HIP1: variants seen among roughly 807,000 people sequenced by gnomAD.
The protein encoded by HIP1 is huntingtin-interacting protein 1.
Under a neutral mutation model 147.6 loss-of-function variants are expected in HIP1, and 65 were observed. The ratio of observed to expected loss-of-function variants is 0.44; its 90% CI spans 0.36 to 0.54. The LOEUF (loss-of-function observed/expected upper bound fraction) is 0.54, where lower values mean the gene tolerates loss of function less well. Ranked by LOEUF, HIP1 falls within the 20% of genes least tolerant of loss-of-function variation. HIP1 has a pLI of 0.00. For synonymous variants in HIP1, 479 were observed against 504.0 expected (o/e 0.95, Z 0.67); for missense variants, 1,061 against 1,299.6 (o/e 0.82, Z 2.82).
chr7:75,554,195 T>G lies in HIP1; in HGVS notation c.2076A>C (p.Ile692=). 6.2e-7 allele frequency: 1 copy of G among 1,613,996 alleles called. No homozygotes were observed. The highest frequency in any genetic ancestry group is 8.5e-7 in the Non-Finnish European group (1 of 1,179,960). The change falls in exon 21 of 31, where the codon ATA becomes ATC. Residue 692 remains isoleucine, a synonymous_variant. Coordinates refer to ENST00000336926, the MANE Select transcript of HIP1 (RefSeq NM_005338.7). ...CGCTGGTCAAGTGGGCCAGCAGGGT[T>G]ATGGAATGGAGAAGTCCACTGATGT... ...PEDISGLLHS[I]TLLAHLTSDA... is the part of the protein sequence containing the mutation.
rs782466956 is a variant in HIP1 at position 75,536,862 on chromosome 7, G to A, written c.*1310C>T. The A allele has an allele frequency of 4.3e-6, 1 of 230,674 alleles. No homozygotes were observed. The highest frequency in any genetic ancestry group is 8.6e-6 in the Non-Finnish European group (1 of 116,494). 14.3% of individuals were successfully genotyped at this position (230,674 alleles called of 1,614,324 possible). On this transcript the variant is annotated 3_prime_UTR_variant, in exon 31 of 31. Transcript: ENST00000336926. Reference sequence around the variant, plus strand: ...TTCTGATTGCTCCAAGCATCTCTTTGTAGGCTGTTGCTGCTTAAGGGAGGT... The same window carrying A: ...TTCTGATTGCTCCAAGCATCTCTTTATAGGCTGTTGCTGCTTAAGGGAGGT...
chr7:75,585,732 C>T (rs970317596), intron 5 of HIP1, among the ~76,000 whole-genome samples: 3 of 152,032 alleles, frequency 2.0e-5, no homozygotes, highest in African/African-American at 4.8e-5. Context: ...GCCTGATCCC[C>T]GTTGTCTCCC....
intron 1 of HIP1, among the ~76,000 whole-genome samples, chr7:75,680,097 C>G (rs1347589095): frequency 6.6e-6 from 1 of 152,192 alleles, no homozygotes; most frequent in Non-Finnish European, 1.5e-5. Flanking sequence ...GGCTGAAGTG[C>G]AGTGGCACGA....
intron 1 of HIP1, among the ~76,000 whole-genome samples, chr7:75,656,816 G>T (rs376478125): frequency 6.6e-6 from 1 of 152,150 alleles, no homozygotes; most frequent in Admixed American, 6.6e-5. Context: ...TGACTAAACC[G>T]TAAAGAAAAA....
intron 1 of HIP1, among the ~76,000 whole-genome samples, chr7:75,619,244 C>T (rs1270627569): frequency 2.6e-5 from 4 of 152,000 alleles, no homozygotes; most frequent in Admixed American, 6.6e-5. Context: ...AAACAGTGGC[C>T]GGGCACAGTG....
chr7:75,640,613 TGG>T (rs1222001623), intron 1 of HIP1, among the ~76,000 whole-genome samples: 3 of 151,492 alleles, frequency 2.0e-5, no homozygotes, highest in African/African-American at 7.3e-5. Flanking sequence ...ATTAGCCGGG[TGG>T]GGTGGTGTGC....
intron 1 of HIP1, among the ~76,000 whole-genome samples, chr7:75,616,911 AT>A (rs200161247): frequency 2.0e-5 from 3 of 150,358 alleles, no homozygotes; most frequent in Non-Finnish European, 3.0e-5. Flanking sequence ...TTAGATGACT[AT>A]TTTTTTTTGT....
intron 2 of HIP1, among the ~76,000 whole-genome samples, chr7:75,597,995 A>G (rs1796812716): frequency 6.6e-6 from 1 of 152,096 alleles, no homozygotes; most frequent in Non-Finnish European, 1.5e-5. Context: ...GAGGGCTTTC[A>G]AGTCACCCAT....
intron 5 of HIP1, among the ~76,000 whole-genome samples, chr7:75,584,918 G>A (rs1179615807): frequency 2.0e-5 from 3 of 150,196 alleles, no homozygotes; most frequent in East Asian, 2.0e-4. Flanking sequence ...GCGCCATCTC[G>A]GCTCACTGCA....
rs370830475 is a variant in HIP1, at chr7:75,703,508, T to C, written c.120+35293A>G. 1.9e-4 allele frequency among the ~76,000 whole-genome samples: 29 copies of C among 151,974 alleles called. No individual in the cohort carries two copies. The East Asian group carries it at 4.3e-3, about 22-fold the overall frequency. ...AAAATACAAAATCAGCTGGGTGTGG[T>C]GGCACATGCCTGTAATCCCAGCTAC... On this transcript the variant is annotated intron_variant, in intron 1 of 30. Transcript: ENST00000336926.
chr7:75,556,332 G>A (rs1795005562), intron 17 of HIP1, among the ~76,000 whole-genome samples, 163 bp from the exon 18 acceptor site: 1 of 152,140 alleles, frequency 6.6e-6, no homozygotes, highest in South Asian at 2.1e-4. Context: ...TGCAGTGGGG[G>A]CTGACTTGGC....
chr7:75,567,519 C>G (rs976647861), intron 9 of HIP1, among the ~76,000 whole-genome samples: 1 of 151,478 alleles, frequency 6.6e-6, no homozygotes, highest in Non-Finnish European at 1.5e-5. Context: ...AAGATAACCT[C>G]AGGTCGGGTG....
rs376148572 is a variant in HIP1 at position 75,720,152 on chromosome 7, TTTTGTTTG to T, written c.120+18641_120+18648del. On this transcript the variant is annotated intron_variant, in intron 1 of 30. Transcript: ENST00000336926. ...TTTCAAGTTTTTTGTTTTGTTTTGT[TTTTGTTTG>T]TTTGTTTGTTTGTTTTTTGAAACAG... is the stretch of plus-strand genomic sequence containing the variant. Among the ~76,000 whole-genome samples, 29 of 151,920 alleles carry T rather than the reference TTTTGTTTG, an allele frequency of 1.9e-4. 1 individual carries two copies. Among genetic ancestry groups the T allele is most frequent in the Admixed American group, 1.9e-3 (29 of 15,226 alleles).
intron 1 of HIP1, among the ~76,000 whole-genome samples, chr7:75,670,786 C>CTTTT (rs782710876): frequency 1.6e-5 from 2 of 122,850 alleles, no homozygotes; most frequent in Non-Finnish European, 1.6e-5. Flanking sequence ...CTAATTAAAA[C>CTTTT]TTTTTTTTTT....
In HIP1 at chr7:75,573,895, T is replaced by C; in HGVS notation, c.611A>G (p.Asn204Ser). The C allele has an allele frequency of 6.2e-7, 1 of 1,610,148 alleles. No individual in the cohort carries two copies. Among genetic ancestry groups the C allele is most frequent in the Non-Finnish European group, 8.5e-7 (1 of 1,177,372 alleles). ...CACAGAGCGGGACATGTCCAGGGAG[T>C]TGAATACTAGGAAATAAAAGTGAGG... Reference protein sequence around the residue: ...CELNLFQTVFNSLDMSRSVSV... With the variant: ...CELNLFQTVFSSLDMSRSVSV... The change falls in exon 8 of 31, where the codon AAC becomes AGC. Residue 204 changes from asparagine to serine, a missense_variant. By Grantham distance (46) the Asn-to-Ser change is conservative. Transcript: ENST00000336926.
intron 1 of HIP1, chr7:75,625,862 G>C (rs1321453403): frequency 1.3e-5 from 2 of 152,072 alleles, no homozygotes; most frequent in Middle Eastern, 6.3e-3. Context: ...TTTGAGCCCA[G>C]GAGTTTGAGG....
chr7:75,687,804 T>A (rs1449527699), intron 1 of HIP1, among the ~76,000 whole-genome samples: 2 of 152,164 alleles, frequency 1.3e-5, no homozygotes, highest in African/African-American at 2.4e-5. Flanking sequence ...CTTCCCAGCC[T>A]CCTTTCCATG....
intron 1 of HIP1, among the ~76,000 whole-genome samples, chr7:75,669,951 C>T: frequency 6.6e-6 from 1 of 152,034 alleles, no homozygotes; most frequent in Non-Finnish European, 1.5e-5. Flanking sequence ...CAGGTGCTCA[C>T]CATGATGCCC....
At chr7:75,610,203 CTTT>C (rs35158879) in intron 1 of HIP1, among the ~76,000 whole-genome samples, 2,002 of 133,010 alleles carry the variant, frequency 0.015, 40 homozygotes, top group African/African-American at 0.048. Flanking sequence ...TCATCCAGCC[CTTT>C]TTTTTTTTTT....
Sources: allele counts gnomAD v4.1 joint callset (sites outside exome capture counted in the v4.1 genomes callset), GRCh38; gene constraint gnomAD v4.1.1; transcripts MANE v1.5; gene names NCBI Gene and HGNC (gene_info 2026-07-23, HGNC 2026-07-21).